CCDC197: variants seen among roughly 807,000 people sequenced by gnomAD.
CCDC197 encodes the protein coiled-coil domain containing 197.
Under a neutral mutation model 13.4 loss-of-function variants are expected in CCDC197, and 24 were observed. The observed-to-expected ratio is 1.80, with a 90% CI of 1.30 to 2.53. CCDC197 has a LOEUF of 2.53. Ranked by LOEUF, CCDC197 falls within the 30% of genes most tolerant of loss-of-function variation. The probability of loss-of-function intolerance (pLI) is 0.00; values close to 1 mark genes in which losing one functional copy is unlikely to be tolerated. For synonymous variants in CCDC197, 99 were observed against 55.5 expected (o/e 1.78, Z -3.48); for missense variants, 255 against 148.8 (o/e 1.71, Z -3.71).
upstream of CCDC197, among the ~76,000 whole-genome samples, chr14:93,993,848 A>C (rs1452626702): frequency 1.3e-5 from 2 of 152,208 alleles, no homozygotes; most frequent in Non-Finnish European, 2.9e-5. Context: ...CTCTTGTCCA[A>C]GGCCCAGGGG....
intron 2 of CCDC197, among the ~76,000 whole-genome samples, 193 bp downstream of exon 2, chr14:93,998,428 A>G (rs1404777538): frequency 6.6e-6 from 1 of 152,178 alleles, no homozygotes; most frequent in Non-Finnish European, 1.5e-5. Context: ...AGGTGTGGCT[A>G]TTGCCCTTTG....
chr14:93,997,889 G>A (rs1271963811), intron 1 of CCDC197, 110 bp from the exon 2 acceptor site: 13 of 530,682 alleles, frequency 2.4e-5, no homozygotes, highest in Admixed American at 6.4e-5. Context: ...GATGCAGCCC[G>A]AAGACCTTGG....
At chr14:94,005,547 G>A (rs1441196839) in intron 6 of CCDC197, among the ~76,000 whole-genome samples, 5 of 152,174 alleles carry the variant, frequency 3.3e-5, no homozygotes, top group Non-Finnish European at 7.4e-5. Context: ...AACAGAAAAC[G>A]TGATCAGATT....
chr14:93,994,796 G>A (rs1169340839), upstream of CCDC197, among the ~76,000 whole-genome samples: 1 of 152,098 alleles, frequency 6.6e-6, no homozygotes, highest in Non-Finnish European at 1.5e-5. Flanking sequence ...ATCTGCTTCC[G>A]GCCAGAGGAG....
At chr14:93,998,979 C>T (rs923780669) in intron 2 of CCDC197, among the ~76,000 whole-genome samples, 5 of 152,218 alleles carry the variant, frequency 3.3e-5, no homozygotes, top group African/African-American at 7.2e-5. Context: ...CCCTTGACTG[C>T]TGACCTTGGC....
chr14:94,001,605 C>A (rs758329440), intron 4 of CCDC197: 2 of 321,832 alleles, frequency 6.2e-6, no homozygotes, highest in Admixed American at 5.0e-5. Flanking sequence ...CAGCCACTGA[C>A]TAGCTGTGTG....
At chr14:94,006,696 G>A (rs1300444369) in intron 6 of CCDC197, among the ~76,000 whole-genome samples, 1 of 151,882 alleles carries the variant, frequency 6.6e-6, no homozygotes, top group African/African-American at 2.4e-5. Flanking sequence ...AATTCTTTTT[G>A]CATTCTGGAT....
chr14:94,005,819 G>A lies in CCDC197; in HGVS notation c.615+848G>A, dbSNP rs75801094. Among the ~76,000 whole-genome samples the A allele has an allele frequency of 7.2e-5, 11 of 152,278 alleles. No homozygotes were observed. In the East Asian group the frequency reaches 1.9e-3, roughly 27 times the overall value. ...TCAAGGTTCATCCATGTCCCAGCAC[G>A]AATCAGTGCTTTATTTTTATAGCTG... On this transcript the variant is annotated intron_variant, in intron 6 of 6. Coordinates refer to ENST00000636493, the MANE Select transcript of CCDC197 (RefSeq NM_001351596.2).
intron 3 of CCDC197, 71 bp downstream of exon 3, chr14:93,999,736 G>A (rs776768924): frequency 1.8e-4 from 135 of 763,770 alleles, no homozygotes; most frequent in African/African-American, 1.2e-4. Context: ...CTGCGACACC[G>A]TGTGTGGCCT....
At chr14:94,007,213 G>C (rs1181023342) in intron 6 of CCDC197, 2 of 152,220 alleles carry the variant, frequency 1.3e-5, no homozygotes, top group African/African-American at 4.8e-5. Flanking sequence ...CCAGGGTCAT[G>C]AAGATTTACA....
At chr14:93,994,891 G>A (rs1045141976), upstream of CCDC197, among the ~76,000 whole-genome samples, 2 of 152,134 alleles carry the variant, frequency 1.3e-5, no homozygotes, top group Non-Finnish European at 2.9e-5. Flanking sequence ...TCCCGCTGTG[G>A]GACCCCCTAT....
chr14:93,993,909 A>G (rs1030323895), upstream of CCDC197, among the ~76,000 whole-genome samples: 1 of 152,076 alleles, frequency 6.6e-6, no homozygotes, highest in Non-Finnish European at 1.5e-5. Flanking sequence ...CCGCTGTGGA[A>G]CCTTGGCAGC....
At chr14:93,994,402 T>G (rs1390333866), upstream of CCDC197, among the ~76,000 whole-genome samples, 1 of 152,140 alleles carries the variant, frequency 6.6e-6, no homozygotes, top group Admixed American at 6.5e-5. Flanking sequence ...AATGGAGCAG[T>G]GCTACCACCA....
At chr14:93,999,483 G>C in intron 2 of CCDC197, 100 bp from the exon 3 acceptor site, 1 of 738,838 alleles carries the variant, frequency 1.4e-6, no homozygotes, top group Non-Finnish European at 2.5e-6. Flanking sequence ...CCCAGTGCAC[G>C]TCCAAGCAGG....
intron 3 of CCDC197, among the ~76,000 whole-genome samples, chr14:94,000,223 A>G (rs1366459077): frequency 6.6e-6 from 1 of 152,180 alleles, no homozygotes; most frequent in Non-Finnish European, 1.5e-5. Flanking sequence ...CATTTATTAA[A>G]TATGTACCCT....
upstream of CCDC197, among the ~76,000 whole-genome samples, chr14:93,993,891 G>T (rs527958009): frequency 1.3e-3 from 205 of 152,256 alleles, 1 homozygote; most frequent in Non-Finnish European, 2.6e-4. Context: ...AGAGACCTGC[G>T]CCCCTCACCG....
At chr14:94,006,613 T>C (rs998480696) in intron 6 of CCDC197, among the ~76,000 whole-genome samples, 3 of 152,040 alleles carry the variant, frequency 2.0e-5, no homozygotes, top group African/African-American at 7.2e-5. Flanking sequence ...CGCCTCGGCC[T>C]CCCAAAGTGC....
rs147639546 is a variant in CCDC197 at position 94,000,804 on chromosome 14, C to T, written c.188-341C>T. On this transcript the variant is annotated intron_variant, in intron 3 of 6. Coordinates refer to ENST00000636493, the MANE Select transcript of CCDC197 (RefSeq NM_001351596.2). ...GGACTTGGCACTTGCTCGCTCAGGA[C>T]AGGAACAATTCCTATCCCCCTCTCA... 376 of 206,406 alleles carry T rather than the reference C, an allele frequency of 1.8e-3. 1 individual carries two copies. Among genetic ancestry groups the T allele is most frequent in the Middle Eastern group, 7.1e-3 (4 of 560 alleles). 12.8% of individuals were successfully genotyped at this position (206,406 alleles called of 1,614,324 possible). A position where few individuals can be genotyped will look rare whatever the true frequency, so the allele number is the denominator to read the frequency against.
intron 1 of CCDC197, among the ~76,000 whole-genome samples, chr14:93,990,264 G>A (rs996150686): frequency 6.6e-6 from 1 of 152,086 alleles, no homozygotes; most frequent in Non-Finnish European, 1.5e-5. Flanking sequence ...GGGAATCCTG[G>A]GGGCTTCTTA....
Sources: gnomAD v4.1 joint callset for allele counts (sites outside exome capture counted in the v4.1 genomes callset) on GRCh38, gnomAD v4.1.1 for gene constraint, MANE v1.5 for transcripts, NCBI Gene and HGNC (gene_info 2026-07-23, HGNC 2026-07-21) for gene names.